Variants in ARID1A observed in about 807,000 individuals in gnomAD.
ARID1A encodes AT-rich interaction domain 1A, also known as AT-rich interactive domain-containing protein 1A.
ARID1A carries 20 observed loss-of-function variants against 212.6 expected under a neutral mutation model. That is an observed-to-expected ratio of 0.09 (90% CI 0.07 to 0.14). The LOEUF is 0.14. ARID1A is among the 10% of genes least tolerant of loss of function. The pLI is 1.00. For missense variants in ARID1A, 2,587 were observed against 3,059.0 expected, an observed-to-expected ratio of 0.85 and a Z score of 3.64; for synonymous variants, 1,376 against 1,222.1, an observed-to-expected ratio of 1.13 and a Z score of -2.63.
rs2124067834 is a variant in ARID1A, at chr1:26,763,003, C to T, written c.2450C>T (p.Ala817Val). Residue 817 changes from alanine to valine, a missense_variant, in exon 8 of 20, where the codon GCC (alanine) becomes GTC (valine). Physicochemically the swap from Ala to Val is moderately conservative, Grantham distance 64. Around this residue, in one of 11 missense-constraint regions of ARID1A, gnomAD observed 674 missense variants for 813.4 expected, o/e 0.83. Transcript: ENST00000324856. The stretch of plus-strand genomic sequence containing the variant: ...TACCCCAGGCAGCCAAACTATAATG[C>T]CTTGCCCAATGCCAACTACCCCAGT... ...GGYPRQPNYN[A>V]LPNANYPSAG... 9.3e-6 allele frequency: 15 copies of T among 1,606,516 alleles called. No individual in the cohort carries two copies. The highest frequency in any genetic ancestry group is 1.3e-5 in the Non-Finnish European group (15 of 1,173,806).
rs1044752252 is a variant in ARID1A at position 26,724,001 on chromosome 1, G to T, written c.1138-5650G>T. 2.6e-5 allele frequency among the ~76,000 whole-genome samples: 4 copies of T among 152,098 alleles called. No individual in the cohort carries two copies. The East Asian group carries it at 7.7e-4, about 29-fold the overall frequency. On this transcript the variant is annotated intron_variant, in intron 1 of 19. Coordinates refer to ENST00000324856, the MANE Select transcript of ARID1A (RefSeq NM_006015.6). ...AGCAGTGCCGACTTCCTTAACTACC[G>T]CTCTCTGAGGTAAAATGCAGGTTAA... is the stretch of plus-strand genomic sequence containing the variant.
At chr1:26,724,782 C>CCTAT (rs1423572099) in intron 1 of ARID1A, among the ~76,000 whole-genome samples, 1 of 152,084 alleles carries the variant, frequency 6.6e-6, no homozygotes, top group Non-Finnish European at 1.5e-5. Context: ...AGGGGAACTC[C>CCTAT]CTATGCAAGG....
chr1:26,731,358 C>G lies in ARID1A; in HGVS notation c.1557C>G (p.Ser519=), dbSNP rs1193608245. The G allele has an allele frequency of 6.2e-7, 1 of 1,613,982 alleles. No homozygotes were observed. Among genetic ancestry groups the G allele is most frequent in the South Asian group, 1.1e-5 (1 of 91,056 alleles). Residue 519 remains serine (S), a synonymous_variant, in exon 3 of 20, where the codon TCC becomes TCG. Transcript: ENST00000324856. ...PQLQSSQPPY[S]QQPSQPPHQQ... Reference sequence around the variant, plus strand: ...TCCAGTCCTCTCAGCCTCCATACTCCCAGCAGCCATCCCAGCCTCCACATC... The same window carrying G: ...TCCAGTCCTCTCAGCCTCCATACTCGCAGCAGCCATCCCAGCCTCCACATC...
intron 4 of ARID1A, among the ~76,000 whole-genome samples, chr1:26,758,799 T>G (rs2080964552): frequency 6.6e-6 from 1 of 152,188 alleles, no homozygotes; most frequent in Non-Finnish European, 1.5e-5. Flanking sequence ...CTCATTGCAT[T>G]TTTAAAGTAT....
intron 4 of ARID1A, among the ~76,000 whole-genome samples, chr1:26,741,941 G>A (rs2080792079): frequency 6.6e-6 from 1 of 152,188 alleles, no homozygotes; most frequent in Admixed American, 6.5e-5. Context: ...TTAGAGGGCA[G>A]GAGTAAGGCC....
rs1570612559 is a variant in ARID1A at position 26,771,566 on chromosome 1, A to C, written c.3406+240A>C. ...TTGTTGTGCAGCTGACAACTTGCCA[A>C]ATGTTTGTAAACTGGTGAATGGGAG... On this transcript the variant is annotated intron_variant, in intron 12 of 19. Coordinates refer to ENST00000324856, the MANE Select transcript of ARID1A (RefSeq NM_006015.6). This position sits in a 1 kb window ranked among gnomAD's most constrained non-coding sequence, Gnocchi z 5.4. The C allele has an allele frequency of 1.8e-6, 1 of 545,696 alleles. No individual in the cohort carries two copies. Among genetic ancestry groups the C allele is most frequent in the Non-Finnish European group, 3.3e-6 (1 of 305,714 alleles). The allele number at this position is 545,696 out of a possible 1,614,324, so 33.8% of individuals were successfully genotyped here. A position where few individuals can be genotyped will look rare whatever the true frequency, so the allele number is the denominator to read the frequency against.
chr1:26,775,213 A>C lies in ARID1A; in HGVS notation c.4986A>C (p.Lys1662Asn), dbSNP rs1553153328. The C allele has an allele frequency of 6.3e-7, 1 of 1,586,222 alleles. No homozygotes were observed. The highest frequency in any genetic ancestry group is 8.6e-7 in the Non-Finnish European group (1 of 1,167,124). ...AGCAGAGGAGGCGGCTCACAATGAA[A>C]GACATTGGTAAGGAGATCTTCCTCA... The part of the protein sequence containing the change: ...VLKQRRRLTM[K>N]DIGTPEAWRV... The change falls in exon 18 of 20, where the codon AAA (lysine) becomes AAC (asparagine). Residue 1662 changes from lysine to asparagine, a missense_variant. By Grantham distance (94) the Lys-to-Asn change is moderately conservative. Transcript: ENST00000324856.
At chr1:26,772,322 C>T (rs1465607086) in intron 12 of ARID1A, 178 bp from the exon 13 acceptor site, 1 of 851,800 alleles carries the variant, frequency 1.2e-6, no homozygotes, top group Non-Finnish European at 1.8e-6. Context: ...AGCTACAAAA[C>T]CCTCAGATTC....
intron 4 of ARID1A, among the ~76,000 whole-genome samples, chr1:26,743,803 AT>A (rs1276798569): frequency 6.6e-5 from 10 of 151,628 alleles, no homozygotes; most frequent in African/African-American, 2.2e-4. Flanking sequence ...AAAAAAAAAA[AT>A]TAAAACATTT....
chr1:26,709,528 A>G (rs945048537), intron 1 of ARID1A, among the ~76,000 whole-genome samples: 6 of 151,800 alleles, frequency 4.0e-5, no homozygotes, highest in African/African-American at 9.7e-5. Flanking sequence ...CTGCTTCTCA[A>G]TTCAGGAGAG....
chr1:26,697,959 C>G (rs1225695581), intron 1 of ARID1A, among the ~76,000 whole-genome samples: 1 of 152,146 alleles, frequency 6.6e-6, no homozygotes. Flanking sequence ...TCTCCGTCCC[C>G]CGGCCTTCCT....
At chr1:26,715,496 G>A (rs2080494084) in intron 1 of ARID1A, among the ~76,000 whole-genome samples, 1 of 152,188 alleles carries the variant, frequency 6.6e-6, no homozygotes, top group South Asian at 2.1e-4. Context: ...GTGGGAGGAA[G>A]TACCTTTTTC....
At chr1:26,708,046 G>T (rs1228218955) in intron 1 of ARID1A, among the ~76,000 whole-genome samples, 2 of 152,132 alleles carry the variant, frequency 1.3e-5, no homozygotes, top group Non-Finnish European at 2.9e-5. Flanking sequence ...TTGACATCGT[G>T]CCTAGAGCTC....
At chr1:26,759,679 T>G (rs1201516715) in intron 4 of ARID1A, among the ~76,000 whole-genome samples, 2 of 152,204 alleles carry the variant, frequency 1.3e-5, no homozygotes, top group African/African-American at 4.8e-5. Context: ...CATATTGAGC[T>G]CCTGTTTGCT....
intron 4 of ARID1A, among the ~76,000 whole-genome samples, chr1:26,757,687 A>G (rs1369492039): frequency 6.6e-6 from 1 of 150,584 alleles, no homozygotes; most frequent in Non-Finnish European, 1.5e-5. Context: ...TTTTTTCTTG[A>G]GACGGAGTCT....
intron 4 of ARID1A, among the ~76,000 whole-genome samples, chr1:26,742,766 C>G (rs779109835): frequency 6.6e-6 from 1 of 152,008 alleles, no homozygotes; most frequent in East Asian, 1.9e-4. Context: ...GTCGGGAGTT[C>G]GAGAGCAGCC....
chr1:26,772,281 CCT>C, intron 12 of ARID1A: 4 of 619,374 alleles, frequency 6.5e-6, no homozygotes, highest in Non-Finnish European at 5.5e-6. Flanking sequence ...CCACATCACT[CCT>C]CTTTTCTACA....
At chr1:26,747,642 A>G (rs1396272080) in intron 4 of ARID1A, among the ~76,000 whole-genome samples, 3 of 151,270 alleles carry the variant, frequency 2.0e-5, no homozygotes, top group Admixed American at 6.6e-5. Context: ...CAGGAGCTGG[A>G]GACCACCACC....
rs1372477261 is a variant in ARID1A, at chr1:26,696,772, C to CGGCGGT, written c.375_380dup (p.Gly126_Gly127dup). 25 of 1,342,572 alleles carry CGGCGGT rather than the reference C, an allele frequency of 1.9e-5. No homozygotes were observed. The highest frequency in any genetic ancestry group is 2.1e-5 in the Non-Finnish European group (22 of 1,051,870). 83.2% of individuals were successfully genotyped at this position (1,342,572 alleles called of 1,614,324 possible). ...ATAACCTCACGGAGCCGCCCGGCGGCGGCGGTGGCGGCAGCAGCGATGGGG... is the reference window on the plus strand; with the variant it reads ...ATAACCTCACGGAGCCGCCCGGCGGCGGCGGTGGCGGTGGCGGCAGCAGCGATGGGG... On this transcript the variant is annotated inframe_insertion, in exon 1 of 20. Transcript: ENST00000324856.
Sources: allele counts gnomAD v4.1 joint callset (sites outside exome capture counted in the v4.1 genomes callset), GRCh38; gene constraint gnomAD v4.1.1; regional missense constraint gnomAD v4.1.1; non-coding constraint Gnocchi (gnomAD v3.1); transcripts MANE v1.5; gene names NCBI Gene and HGNC (gene_info 2026-07-23, HGNC 2026-07-21).